SLC38A2: variants seen among roughly 807,000 people sequenced by gnomAD.
The protein encoded by SLC38A2 is sodium-coupled neutral amino acid symporter 2.
In SLC38A2, 11 loss-of-function variants were observed where a neutral mutation model predicts 61.5. The observed-to-expected ratio is 0.18, with a 90% CI of 0.11 to 0.30. The LOEUF (loss-of-function observed/expected upper bound fraction) is 0.30, where lower values mean the gene tolerates loss of function less well. Among genes scored for constraint, SLC38A2 ranks in the 10% least tolerant of loss-of-function variants. The pLI is 1.00. For synonymous variants in SLC38A2, 217 were observed against 212.5 expected (o/e 1.02, Z -0.18); for missense variants, 522 against 600.4 (o/e 0.87, Z 1.36).
chr12:46,365,987 TAAA>T (rs1565828571), intron 7 of SLC38A2, among the ~76,000 whole-genome samples: 1 of 152,136 alleles, frequency 6.6e-6, no homozygotes, highest in Admixed American at 6.6e-5. Context: ...AAGATCAGCT[TAAA>T]AAATTAAATT....
chr12:46,364,019 A>C lies in SLC38A2; in HGVS notation c.874-16T>G. 6.3e-7 allele frequency: 1 copy of C among 1,592,798 alleles called. No individual in the cohort carries two copies. Among genetic ancestry groups the C allele is most frequent in the Non-Finnish European group, 8.5e-7 (1 of 1,170,982 alleles). ...CATAGACAGTCTGAAAGAAAACGTA[A>C]AAATCTACTTAATCTGATGTAACGA... On this transcript the variant is annotated splice_polypyrimidine_tract_variant and intron_variant, in intron 10 of 15. Transcript: ENST00000256689.
At chr12:46,365,060 CTG>C (rs745381424) in intron 8 of SLC38A2, 45 bp downstream of exon 8, 12 of 1,480,786 alleles carry the variant, frequency 8.1e-6, no homozygotes, top group Non-Finnish European at 1.1e-5. Context: ...GCCCAACTAA[CTG>C]GTGAGAGGCT....
Position 46,361,081 on chromosome 12 carries a change from T to C in SLC38A2, c.*30A>G, listed in dbSNP as rs758535974. 1 of 1,556,654 alleles carries C rather than the reference T, an allele frequency of 6.4e-7. No individual in the cohort carries two copies. Among genetic ancestry groups the C allele is most frequent in the East Asian group, 2.2e-5 (1 of 44,560 alleles). On this transcript the variant is annotated 3_prime_UTR_variant, in exon 16 of 16. Coordinates refer to ENST00000256689, the MANE Select transcript of SLC38A2 (RefSeq NM_018976.5). ...GAGTTTACTCAACACTGGCATCAGA[T>C]GGACTGAGTTTGAGTTTGAGTGGTG...
In SLC38A2 at chr12:46,359,543, C is replaced by G. The variant is rs891704156; in HGVS notation, c.*1568G>C. ...AGGGCAAACCTTACAGCCAGATGAC[C>G]AATTGACAATTCCATTATTTGCTTC... On this transcript the variant is annotated 3_prime_UTR_variant, in exon 16 of 16. Coordinates refer to ENST00000256689, the MANE Select transcript of SLC38A2 (RefSeq NM_018976.5). 1.3e-5 allele frequency: 2 copies of G among 152,618 alleles called. No individual in the cohort carries two copies. Among genetic ancestry groups the G allele is most frequent in the Non-Finnish European group, 2.9e-5 (2 of 68,026 alleles). The allele number at this position is 152,618 out of a possible 1,614,324, so 9.5% of individuals were successfully genotyped here. A position where few individuals can be genotyped will look rare whatever the true frequency, so the allele number is the denominator to read the frequency against.
In SLC38A2 at chr12:46,362,341, AGAAG is replaced by A; in HGVS notation, c.1361_1364del (p.Pro454LeufsTer8). The A allele has an allele frequency of 6.2e-7, 1 of 1,612,370 alleles. No homozygotes were observed. Among genetic ancestry groups the A allele is most frequent in the Non-Finnish European group, 8.5e-7 (1 of 1,179,176 alleles). On this transcript the variant is annotated frameshift_variant, in exon 15 of 16. Transcript: ENST00000256689. LOFTEE classifies it high-confidence loss of function. ...TCTTCACCAACTTGATATAGAAGGC[AGAAG>A]GAAGAATAAAAATCAACATAGAAGC...
At chr12:46,362,722 G>T in intron 13 of SLC38A2, 84 bp from the exon 14 acceptor site, 1 of 1,380,584 alleles carries the variant, frequency 7.2e-7, no homozygotes, top group Non-Finnish European at 9.6e-7. Context: ...TGAAAAGAAT[G>T]CCCAAGTAAC....
At position 46,371,331 on chromosome 12, in the gene SLC38A2, C is replaced by A. The variant is rs1330408967; in HGVS notation, c.-38G>T. On this transcript the variant is annotated 5_prime_UTR_variant, in exon 2 of 16. Transcript: ENST00000256689. ...GAGGAATCGGGTGCAGCTAGTAGCG[C>A]TGGGCTCCTTTTGTCCTTGGCGGTG... 6.4e-7 allele frequency: 1 copy of A among 1,553,030 alleles called. No homozygotes were observed. The highest frequency in any genetic ancestry group is 2.2e-5 in the East Asian group (1 of 44,532).
At position 46,364,375 on chromosome 12, in the gene SLC38A2, G is replaced by A; in HGVS notation, c.873+14C>T. On this transcript the variant is annotated intron_variant, in intron 10 of 15. Transcript: ENST00000256689. The stretch of plus-strand genomic sequence containing the variant: ...CTAAACTCTTCTTTTGAGAAAATAA[G>A]CATATTTAGTTACCTGTGAGTTGAA... The A allele has an allele frequency of 5.8e-6, 9 of 1,563,082 alleles. No individual in the cohort carries two copies. The highest frequency in any genetic ancestry group is 7.8e-6 in the Non-Finnish European group (9 of 1,160,836).
rs1179898545 is a variant in SLC38A2, at chr12:46,371,548, C to T, written c.-86-169G>A. 8 of 460,442 alleles carry T rather than the reference C, an allele frequency of 1.7e-5. No homozygotes were observed. In the Admixed American group the frequency reaches 3.4e-4, roughly 19 times the overall value. 28.5% of individuals were successfully genotyped at this position (460,442 alleles called of 1,614,324 possible). A position where few individuals can be genotyped will look rare whatever the true frequency, so the allele number is the denominator to read the frequency against. ...CCGAGGGGCGGAAAAGTACAGACGG[C>T]GGAGCCGCGGGGAGAACAAAGATGA... On this transcript the variant is annotated intron_variant, in intron 1 of 15. Coordinates refer to ENST00000256689, the MANE Select transcript of SLC38A2 (RefSeq NM_018976.5).
Position 46,371,285 on chromosome 12 carries a change from C to T in SLC38A2, c.9G>A (p.Lys3=), listed in dbSNP as rs1399312911. 6.2e-7 allele frequency: 1 copy of T among 1,614,078 alleles called. No individual in the cohort carries two copies. The highest frequency in any genetic ancestry group is 1.7e-5 in the Admixed American group (1 of 60,034). The change falls in exon 2 of 16, where the codon AAG becomes AAA. Residue 3 remains lysine, a synonymous_variant. Transcript: ENST00000256689. MK[K]AEMGRFSISP... ...AAATACTGAATCGTCCCATTTCGGC[C>T]TTCTTCATGCTAAGCACTGGGAGGA...
chr12:46,358,593 T>C lies in SLC38A2; in HGVS notation c.*2518A>G, dbSNP rs1190330725. ...ATTCAATTTTCTGTACAGGTACTTT[T>C]GGGACAATTCTTATAGTTACATAAT... On this transcript the variant is annotated 3_prime_UTR_variant, in exon 16 of 16. Transcript: ENST00000256689. 6 of 152,520 alleles carry C rather than the reference T, an allele frequency of 3.9e-5. No homozygotes were observed. Among genetic ancestry groups the C allele is most frequent in the Non-Finnish European group, 8.8e-5 (6 of 68,036 alleles). 9.4% of individuals were successfully genotyped at this position (152,520 alleles called of 1,614,324 possible).
Position 46,366,964 on chromosome 12 carries a change from ATACCAT to A in SLC38A2, c.482-25_482-20del. ...GACATAGCTGGAGGAAAACAAAATT[ATACCAT>A]TACAAGTGCAAAACGCGGCACGTGA... On this transcript the variant is annotated intron_variant, in intron 6 of 15. Transcript: ENST00000256689. 2 of 1,611,132 alleles carry A rather than the reference ATACCAT, an allele frequency of 1.2e-6. No homozygotes were observed. The highest frequency in any genetic ancestry group is 2.2e-5 in the East Asian group (1 of 44,736).
chr12:46,371,633 CCTCT>C (rs781301799), intron 1 of SLC38A2: 9 of 294,410 alleles, frequency 3.1e-5, no homozygotes, highest in South Asian at 2.6e-4. Flanking sequence ...AGTATTTCAC[CCTCT>C]CTATTGTCCC....
Position 46,364,709 on chromosome 12 carries a change from G to T in SLC38A2, c.647-7C>A. 6.2e-7 allele frequency: 1 copy of T among 1,603,602 alleles called. No individual in the cohort carries two copies. Among genetic ancestry groups the T allele is most frequent in the Non-Finnish European group, 8.5e-7 (1 of 1,175,404 alleles). Reference sequence around the variant, plus strand: ...CTGGTATATCCCAAATATCCTATAAGGAGGGGTGGCAGGAATCAGTATTAG... The same window carrying T: ...CTGGTATATCCCAAATATCCTATAATGAGGGGTGGCAGGAATCAGTATTAG... On this transcript the variant is annotated splice_region_variant and splice_polypyrimidine_tract_variant and intron_variant, in intron 8 of 15. Coordinates refer to ENST00000256689, the MANE Select transcript of SLC38A2 (RefSeq NM_018976.5).
intron 4 of SLC38A2, among the ~76,000 whole-genome samples, chr12:46,369,898 CTAAAG>C (rs912203001): frequency 1.5e-4 from 23 of 152,136 alleles, no homozygotes; most frequent in Non-Finnish European, 2.6e-4. Flanking sequence ...TAAGTACTTA[CTAAAG>C]TATTCATTTT....
At position 46,359,986 on chromosome 12, in the gene SLC38A2, T is replaced by TG. The variant is rs1475178673; in HGVS notation, c.*1124dup. On this transcript the variant is annotated 3_prime_UTR_variant, in exon 16 of 16. Coordinates refer to ENST00000256689, the MANE Select transcript of SLC38A2 (RefSeq NM_018976.5). The stretch of plus-strand genomic sequence containing the variant: ...TTAGACCTCTACTGTAGACAAAACA[T>TG]GAACACAACTAAGCCATACATTGTC... The TG allele has an allele frequency of 6.6e-6, 1 of 152,662 alleles. No individual in the cohort carries two copies. The highest frequency in any genetic ancestry group is 6.5e-5 in the Admixed American group (1 of 15,282). The allele number at this position is 152,662 out of a possible 1,614,324, so 9.5% of individuals were successfully genotyped here.
chr12:46,368,151 G>A (rs1235890948), intron 4 of SLC38A2, among the ~76,000 whole-genome samples: 1 of 152,008 alleles, frequency 6.6e-6, no homozygotes, highest in Non-Finnish European at 1.5e-5. Flanking sequence ...TGGTAAGGGG[G>A]AAATGACACT....
chr12:46,371,444 C>T (rs904735540), intron 1 of SLC38A2, 65 bp from the exon 2 acceptor site: 12 of 642,212 alleles, frequency 1.9e-5, no homozygotes, highest in Admixed American at 2.9e-5. Context: ...GTGACGCCGC[C>T]CGGAGGCGCA....
chr12:46,364,358 T>G (rs763148022), intron 10 of SLC38A2, 31 bp downstream of exon 10: 44 of 1,545,034 alleles, frequency 2.8e-5, no homozygotes, highest in Non-Finnish European at 3.6e-5. Flanking sequence ...CCCTAAACTC[T>G]TCTTTTGAGA....
Sources: allele counts gnomAD v4.1 joint callset (sites outside exome capture counted in the v4.1 genomes callset), GRCh38; gene constraint gnomAD v4.1.1; transcripts MANE v1.5; gene names NCBI Gene and HGNC (gene_info 2026-07-23, HGNC 2026-07-21).